ANKRD31: variants seen among roughly 807,000 people sequenced by gnomAD.
ANKRD31 encodes the protein ankyrin repeat domain-containing protein 31.
In ANKRD31, 147 loss-of-function variants were observed where a neutral mutation model predicts 186.0. That is an observed-to-expected ratio of 0.79 (90% CI 0.69 to 0.91). The LOEUF is 0.91. Ranked by LOEUF, ANKRD31 falls within the 40% of genes least tolerant of loss-of-function variation. The pLI is 0.00. For synonymous variants in ANKRD31, 673 were observed against 736.4 expected (o/e 0.91, Z 1.39); for missense variants, 1,986 against 2,148.8 (o/e 0.92, Z 1.50).
intron 11 of ANKRD31, among the ~76,000 whole-genome samples, chr5:75,163,559 C>T (rs1752716959): frequency 6.6e-6 from 1 of 152,174 alleles, no homozygotes. Flanking sequence ...TGACTGCAAT[C>T]ATCATATGAA....
At chr5:75,103,312 C>T (rs1320757847) in intron 22 of ANKRD31, among the ~76,000 whole-genome samples, 3 of 152,192 alleles carry the variant, frequency 2.0e-5, no homozygotes, top group African/African-American at 7.2e-5. Flanking sequence ...CCCTCTCACA[C>T]CACTCAGAAC....
chr5:75,199,678 G>GA lies in ANKRD31; in HGVS notation c.404-5dup, dbSNP rs575191952. 299 of 1,530,238 alleles carry GA rather than the reference G, an allele frequency of 2.0e-4. No individual in the cohort carries two copies. The African/African-American group carries it at 3.7e-3, about 19-fold the overall frequency. The allele number at this position is 1,530,238 out of a possible 1,614,324, so 94.8% of individuals were successfully genotyped here. A position where few individuals can be genotyped will look rare whatever the true frequency, so the allele number is the denominator to read the frequency against. ...TCAGGACTTTCAGCCTCTGGCCCTA[G>GA]AAAAAAACAATGTGTTTTCATTCCA... On this transcript the variant is annotated splice_polypyrimidine_tract_variant and splice_region_variant and intron_variant, in intron 5 of 25. Transcript: ENST00000506364.
rs758872562 is a variant in ANKRD31, at chr5:75,193,330, A to G, written c.1279T>C (p.Ser427Pro). The G allele has an allele frequency of 2.0e-6, 3 of 1,536,486 alleles. No individual in the cohort carries two copies. Among genetic ancestry groups the G allele is most frequent in the Non-Finnish European group, 2.6e-6 (3 of 1,146,566 alleles). Residue 427 changes from serine to proline, a missense_variant, in exon 8 of 26, where the codon TCT becomes CCT. Transcript: ENST00000506364. ...LGCEDLTNNN[S>P]SAQNFRMQDP... Reference sequence around the variant, plus strand: ...GCATACCTGAAATTCTGAGCTGAAGAGTTATTATTTGTTAGGTCCTCACAG... The same window carrying G: ...GCATACCTGAAATTCTGAGCTGAAGGGTTATTATTTGTTAGGTCCTCACAG...
chr5:75,160,498 A>G (rs944274122), intron 11 of ANKRD31, among the ~76,000 whole-genome samples: 1 of 152,242 alleles, frequency 6.6e-6, no homozygotes, highest in African/African-American at 2.4e-5. Context: ...CAATAACAAC[A>G]TTAAATATGA....
chr5:75,122,636 C>T (rs1315188052), intron 17 of ANKRD31, among the ~76,000 whole-genome samples: 2 of 151,834 alleles, frequency 1.3e-5, no homozygotes, highest in African/African-American at 4.8e-5. Flanking sequence ...CATATACAAA[C>T]CAATAAATGT....
At chr5:75,118,787 A>G (rs1748512254) in intron 17 of ANKRD31, among the ~76,000 whole-genome samples, 1 of 152,166 alleles carries the variant, frequency 6.6e-6, no homozygotes, top group African/African-American at 2.4e-5. Context: ...TGTTGTGCAG[A>G]TTAAGCCACT....
chr5:75,212,844 T>C (rs1236123750), intron 3 of ANKRD31, among the ~76,000 whole-genome samples: 1 of 152,196 alleles, frequency 6.6e-6, no homozygotes, highest in Admixed American at 6.5e-5. Flanking sequence ...TTTATGTTTG[T>C]TTCTATGATA....
chr5:75,146,562 T>A lies in ANKRD31; in HGVS notation c.2849A>T (p.Asp950Val). Residue 950 changes from aspartate (D) to valine (V), a missense_variant, in exon 14 of 26, where the codon GAT (aspartate) becomes GTT (valine). Coordinates refer to ENST00000506364, the MANE Select transcript of ANKRD31 (RefSeq NM_001372053.1). ...MGFQQFLLSE[D>V]HLSQENELKA... is the part of the protein sequence containing the mutation. ...TAACTCATTTTCCTGTGAAAGATGA[T>A]CTTCAGAAAGTAAAAACTGTTGGAA... 2.0e-6 allele frequency: 3 copies of A among 1,536,374 alleles called. No individual in the cohort carries two copies. Among genetic ancestry groups the A allele is most frequent in the Non-Finnish European group, 2.6e-6 (3 of 1,146,390 alleles).
chr5:75,172,953 A>G (rs1047048289), intron 10 of ANKRD31, among the ~76,000 whole-genome samples: 1 of 152,218 alleles, frequency 6.6e-6, no homozygotes, highest in African/African-American at 2.4e-5. Context: ...ATTTTAGACC[A>G]ATATCCCTGA....
chr5:75,095,465 C>T (rs1165905541), intron 22 of ANKRD31, among the ~76,000 whole-genome samples: 1 of 131,108 alleles, frequency 7.6e-6, no homozygotes, highest in Non-Finnish European at 1.6e-5. Context: ...CAGAGCGAGA[C>T]TCCGTCTCAA....
At chr5:75,192,618 A>G (rs940825973) in intron 9 of ANKRD31, 49 bp downstream of exon 9, 2 of 1,325,028 alleles carry the variant, frequency 1.5e-6, no homozygotes, top group Non-Finnish European at 2.1e-6. Flanking sequence ...CCTTTCTACC[A>G]ATTCTGTTTT....
At position 75,156,002 on chromosome 5, in the gene ANKRD31, G is replaced by A. The variant is rs565044414; in HGVS notation, c.1708-1657C>T. On this transcript the variant is annotated intron_variant, in intron 11 of 25. Transcript: ENST00000506364. The stretch of plus-strand genomic sequence containing the variant: ...GCTCACTGCAACCTCTGCCTCCCGG[G>A]TTCAATCAATTCTTGTGCCTCAGCC... 5.3e-5 allele frequency among the ~76,000 whole-genome samples: 8 copies of A among 152,060 alleles called. No individual in the cohort carries two copies. In the East Asian group the frequency reaches 1.5e-3, roughly 29 times the overall value.
intron 10 of ANKRD31, among the ~76,000 whole-genome samples, chr5:75,185,555 T>C (rs1754648767): frequency 6.6e-6 from 1 of 151,348 alleles, no homozygotes; most frequent in Admixed American, 6.6e-5. Context: ...AGATTCCATC[T>C]CACACACACA....
chr5:75,210,016 T>C (rs1186308440), intron 4 of ANKRD31, among the ~76,000 whole-genome samples: 1 of 152,208 alleles, frequency 6.6e-6, no homozygotes, highest in Non-Finnish European at 1.5e-5. Flanking sequence ...AATGTGTTAG[T>C]ATTATTATGA....
intron 1 of ANKRD31, among the ~76,000 whole-genome samples, chr5:75,235,638 C>T (rs1758221778): frequency 6.6e-6 from 1 of 152,196 alleles, no homozygotes; most frequent in African/African-American, 2.4e-5. Context: ...TCTCACCTCC[C>T]AGCCCTGCCC....
intron 20 of ANKRD31, among the ~76,000 whole-genome samples, chr5:75,107,860 C>T (rs1284807862): frequency 6.6e-6 from 1 of 151,904 alleles, no homozygotes; most frequent in Non-Finnish European, 1.5e-5. Context: ...ATCCTGCTGC[C>T]CCACTAAGTT....
intron 4 of ANKRD31, among the ~76,000 whole-genome samples, chr5:75,206,854 T>C (rs1222545005): frequency 1.3e-5 from 2 of 152,186 alleles, no homozygotes; most frequent in East Asian, 3.9e-4. Context: ...AACACACTGA[T>C]AGTTTGTCAT....
At chr5:75,142,719 C>G (rs1381202572) in intron 15 of ANKRD31, among the ~76,000 whole-genome samples, 3 of 152,072 alleles carry the variant, frequency 2.0e-5, no homozygotes, top group Non-Finnish European at 4.4e-5. Flanking sequence ...TGTGGCAGAA[C>G]TTGGGCATAG....
At chr5:75,095,487 T>G (rs1440261904) in intron 22 of ANKRD31, among the ~76,000 whole-genome samples, 1 of 142,642 alleles carries the variant, frequency 7.0e-6, no homozygotes, top group African/African-American at 2.7e-5. Flanking sequence ...AAAAAAAAAG[T>G]CCTGAAATAA....
Sources: gnomAD v4.1 joint callset for allele counts (sites outside exome capture counted in the v4.1 genomes callset) on GRCh38, gnomAD v4.1.1 for gene constraint, MANE v1.5 for transcripts, NCBI Gene and HGNC (gene_info 2026-07-23, HGNC 2026-07-21) for gene names.